The following NEGR1 variants were observed in gnomAD, a reference collection of about 807,000 sequenced individuals.
NEGR1 encodes the protein IgLON family member 4.
NEGR1 carries 10 observed loss-of-function variants against 40.9 expected under a neutral mutation model. That is an observed-to-expected ratio of 0.24 (90% CI 0.15 to 0.42). NEGR1 has a LOEUF of 0.42. NEGR1 is among the 10% of genes least tolerant of loss of function. The pLI is 1.00. For synonymous variants in NEGR1, 185 were observed against 166.8 expected (o/e 1.11, Z -0.84); for missense variants, 352 against 438.9 (o/e 0.80, Z 1.77).
At chr1:72,138,622 T>C (rs565811177) in intron 1 of NEGR1, among the ~76,000 whole-genome samples, 1 of 151,818 alleles carries the variant, frequency 6.6e-6, no homozygotes, top group Non-Finnish European at 1.5e-5. Flanking sequence ...AAAACTGAGA[T>C]AAAAAAGGTG....
At position 72,010,639 on chromosome 1, in the gene NEGR1, C is replaced by G. The variant is rs1422006085; in HGVS notation, c.177-75328G>C. Among the ~76,000 whole-genome samples the G allele has an allele frequency of 1.3e-5, 2 of 151,976 alleles. 1 individual carries two copies. Among genetic ancestry groups the G allele is most frequent in the East Asian group, 3.9e-4 (2 of 5,136 alleles). On this transcript the variant is annotated intron_variant, in intron 1 of 6. Transcript: ENST00000357731. ...ACCCCTTTCTCCACTCTCCCACCCC[C>G]TCCAGGACTGTAGAAAGAAAAAAAA...
intron 2 of NEGR1, among the ~76,000 whole-genome samples, chr1:71,855,684 G>C (rs990927192): frequency 2.0e-5 from 3 of 151,436 alleles, no homozygotes; most frequent in African/African-American, 7.3e-5. Flanking sequence ...ATAATGTTCT[G>C]TTGAATTTTC....
At chr1:71,731,139 C>CA in intron 3 of NEGR1, among the ~76,000 whole-genome samples, 1 of 152,112 alleles carries the variant, frequency 6.6e-6, no homozygotes, top group East Asian at 1.9e-4. Flanking sequence ...TCAAGGTTAT[C>CA]ATTCTTATTA....
chr1:71,714,202 T>C (rs953610784), intron 3 of NEGR1, among the ~76,000 whole-genome samples: 2 of 152,084 alleles, frequency 1.3e-5, no homozygotes, highest in Non-Finnish European at 2.9e-5. Flanking sequence ...TATAAAACCA[T>C]CAGATCTCAT....
intron 6 of NEGR1, among the ~76,000 whole-genome samples, chr1:71,572,037 A>C (rs141955978): frequency 2.1e-4 from 32 of 152,168 alleles, no homozygotes; most frequent in African/African-American, 7.7e-4. Flanking sequence ...TGGAGCTTTA[A>C]TTTTTCAAAT....
intron 1 of NEGR1, among the ~76,000 whole-genome samples, chr1:71,990,920 T>A (rs61605472): frequency 0.048 from 5,237 of 109,274 alleles, 110 homozygotes; most frequent in Admixed American, 0.062. Context: ...ATATATATAT[T>A]TTTTTTTTAA....
At chr1:71,978,919 G>A (rs1646330675) in intron 1 of NEGR1, among the ~76,000 whole-genome samples, 1 of 152,050 alleles carries the variant, frequency 6.6e-6, no homozygotes, top group African/African-American at 2.4e-5. Context: ...TATGTTCATT[G>A]CACTAGTCCC....
chr1:72,090,066 C>A (rs1038888476), intron 1 of NEGR1, among the ~76,000 whole-genome samples: 1 of 151,918 alleles, frequency 6.6e-6, no homozygotes, highest in Non-Finnish European at 1.5e-5. Context: ...AAAAATATGA[C>A]CTCATTTCTG....
At chr1:71,608,029 G>A (rs1191929496) in intron 5 of NEGR1, among the ~76,000 whole-genome samples, 3 of 152,290 alleles carry the variant, frequency 2.0e-5, no homozygotes, top group African/African-American at 4.8e-5. Context: ...TGGCCTGGGC[G>A]TTTATGGTGA....
At chr1:71,946,200 C>A (rs1174047131) in intron 1 of NEGR1, among the ~76,000 whole-genome samples, 1 of 152,120 alleles carries the variant, frequency 6.6e-6, no homozygotes, top group Non-Finnish European at 1.5e-5. Flanking sequence ...TCCCGAATAT[C>A]TGGGGCTACA....
intron 6 of NEGR1, among the ~76,000 whole-genome samples, chr1:71,526,995 G>C (rs1647224566): frequency 6.6e-6 from 1 of 151,534 alleles, no homozygotes; most frequent in South Asian, 2.1e-4. Context: ...TGTTTGTCTA[G>C]AATGGCTTTT....
At chr1:72,186,919 G>C (rs1285854352) in intron 1 of NEGR1, among the ~76,000 whole-genome samples, 1 of 151,566 alleles carries the variant, frequency 6.6e-6, no homozygotes, top group Non-Finnish European at 1.5e-5. Flanking sequence ...CTAGAGGGAA[G>C]TGATATCCAT....
chr1:71,509,628 G>A (rs150124337), intron 6 of NEGR1, among the ~76,000 whole-genome samples: 1 of 152,224 alleles, frequency 6.6e-6, no homozygotes, highest in East Asian at 1.9e-4. Context: ...AATACACATG[G>A]CCACTGAAAC....
intron 6 of NEGR1, among the ~76,000 whole-genome samples, chr1:71,481,954 T>C (rs1000469915): frequency 1.3e-5 from 2 of 151,676 alleles, no homozygotes; most frequent in Non-Finnish European, 2.9e-5. Context: ...CTCTGTACTT[T>C]AGTTTTTGGA....
intron 1 of NEGR1, among the ~76,000 whole-genome samples, chr1:71,963,080 T>C (rs754497376): frequency 6.6e-6 from 1 of 151,014 alleles, no homozygotes; most frequent in Non-Finnish European, 1.5e-5. Flanking sequence ...TATTTTTCTG[T>C]ATCGATATCT....
In NEGR1 at chr1:72,144,932, C is replaced by A. The variant is rs558447219; in HGVS notation, c.176+137387G>T. On this transcript the variant is annotated intron_variant, in intron 1 of 6. Transcript: ENST00000357731. ...CTTTCATCCAAATATAGATATGCAA[C>A]TCAGTCTCCAGGGCTTGCATTGTCC... is the stretch of plus-strand genomic sequence containing the variant. 1.5e-4 allele frequency among the ~76,000 whole-genome samples: 23 copies of A among 152,180 alleles called. 1 individual carries two copies. In the South Asian group the frequency reaches 4.8e-3, roughly 32 times the overall value.
intron 2 of NEGR1, among the ~76,000 whole-genome samples, chr1:71,860,702 T>A (rs1376325744): frequency 6.6e-6 from 1 of 151,980 alleles, no homozygotes; most frequent in Non-Finnish European, 1.5e-5. Flanking sequence ...ATCACATTCT[T>A]AAGGAATTAC....
At chr1:72,261,870 G>A (rs1390428642) in intron 1 of NEGR1, among the ~76,000 whole-genome samples, 1 of 151,964 alleles carries the variant, frequency 6.6e-6, no homozygotes, top group African/African-American at 2.4e-5. Flanking sequence ...AAAGGTGTAA[G>A]GGTAGGACCA....
chr1:71,502,426 C>T (rs893681397), intron 6 of NEGR1, among the ~76,000 whole-genome samples: 1 of 152,152 alleles, frequency 6.6e-6, no homozygotes, highest in Admixed American at 6.5e-5. Flanking sequence ...GCCTACTAGA[C>T]ACCTGATCTT....
Sources: gnomAD v4.1 joint callset for allele counts (sites outside exome capture counted in the v4.1 genomes callset) on GRCh38, gnomAD v4.1.1 for gene constraint, MANE v1.5 for transcripts, NCBI Gene and HGNC (gene_info 2026-07-23, HGNC 2026-07-21) for gene names.